PCDHA3: variants seen among roughly 807,000 people sequenced by gnomAD.
PCDHA3 encodes the protein protocadherin alpha 3, also known as protocadherin alpha-3.
In PCDHA3, 41 loss-of-function variants were observed where a neutral mutation model predicts 62.2. The ratio of observed to expected loss-of-function variants is 0.66; its 90% confidence interval spans 0.51 to 0.86. The LOEUF is 0.86. PCDHA3 is among the 40% of genes least tolerant of loss of function. The probability of loss-of-function intolerance (pLI) is 0.00; values close to 1 mark genes in which losing one functional copy is unlikely to be tolerated. For missense variants in PCDHA3, 1,304 were observed against 1,241.2 expected (o/e 1.05, Z -0.76); for synonymous variants, 640 against 555.4 (o/e 1.15, Z -2.14).
chr5:140,808,549 G>A (rs782013709), intron 1 of PCDHA3: 7 of 1,614,136 alleles, frequency 4.3e-6, no homozygotes, highest in South Asian at 3.3e-5. Context: ...ACGCTCCGGC[G>A]TTCGCGCAGC....
intron 1 of PCDHA3, among the ~76,000 whole-genome samples, chr5:140,955,283 A>G (rs1255959484): frequency 6.6e-6 from 1 of 151,774 alleles, no homozygotes; most frequent in African/African-American, 2.4e-5. Context: ...CCATATTGAT[A>G]TGGTTTGGCT....
intron 1 of PCDHA3, chr5:140,877,741 A>T: frequency 1.2e-6 from 2 of 1,614,182 alleles, no homozygotes; most frequent in Non-Finnish European, 1.7e-6. Flanking sequence ...GAGGAGGCAG[A>T]GGGTGTGCTC....
At chr5:140,957,225 G>C (rs1585702621) in intron 1 of PCDHA3, among the ~76,000 whole-genome samples, 1 of 152,072 alleles carries the variant, frequency 6.6e-6, no homozygotes, top group Admixed American at 6.6e-5. Flanking sequence ...ATTTGGCGAA[G>C]CATTTTGGCA....
At chr5:140,906,609 T>C (rs376857630) in intron 1 of PCDHA3, among the ~76,000 whole-genome samples, 2 of 152,348 alleles carry the variant, frequency 1.3e-5, no homozygotes, top group East Asian at 3.9e-4. Flanking sequence ...TCATTCTGTA[T>C]TCCCTTTGCC....
At chr5:141,000,921 C>T (rs562554000) in intron 3 of PCDHA3, among the ~76,000 whole-genome samples, 1 of 152,006 alleles carries the variant, frequency 6.6e-6, no homozygotes, top group Non-Finnish European at 1.5e-5. Flanking sequence ...AAAAAAAAAT[C>T]CTGTGTGATT....
chr5:140,934,001 T>A (rs2089559391), intron 1 of PCDHA3, among the ~76,000 whole-genome samples: 1 of 152,066 alleles, frequency 6.6e-6, no homozygotes, highest in Admixed American at 6.6e-5. Context: ...TCACCTCTCA[T>A]TTTTCTTGAC....
rs1039422866 is a variant in PCDHA3 at position 140,928,669 on chromosome 5, A to G, written c.2395-50280A>G. 6 of 1,614,042 alleles carry G rather than the reference A, an allele frequency of 3.7e-6. No homozygotes were observed. The African/African-American group carries it at 6.7e-5, about 18-fold the overall frequency. On this transcript the variant is annotated intron_variant, in intron 1 of 3. Transcript: ENST00000522353. ...AGCAGAGGATGCTGACAGTGGTTCT[A>G]ATGCCTGGCTTTCCTACCACATCTC...
intron 1 of PCDHA3, among the ~76,000 whole-genome samples, chr5:140,969,735 T>A (rs1029423690): frequency 2.6e-5 from 4 of 152,188 alleles, no homozygotes; most frequent in Non-Finnish European, 5.9e-5. Flanking sequence ...TGAAATCCTA[T>A]ATGAGTGATG....
intron 1 of PCDHA3, chr5:140,862,812 C>G (rs782335970): frequency 1.7e-6 from 1 of 572,078 alleles, no homozygotes; most frequent in Non-Finnish European, 3.4e-6. Context: ...TGCTGCAGTT[C>G]TAGGTGAGAG....
intron 1 of PCDHA3, chr5:140,843,534 C>T: frequency 6.3e-7 from 1 of 1,596,028 alleles, no homozygotes; most frequent in Non-Finnish European, 8.6e-7. Flanking sequence ...GGCAAGCCCA[C>T]TCTGGTGTGC....
intron 1 of PCDHA3, chr5:140,851,460 T>A (rs1270613439): frequency 1.0e-5 from 9 of 901,620 alleles, no homozygotes; most frequent in Non-Finnish European, 1.2e-5. Flanking sequence ...GGAATCAAAT[T>A]ATGTCAATAA....
In PCDHA3 at chr5:140,803,345, G is replaced by A; in HGVS notation, c.2148G>A (p.Leu716=). 1.2e-6 allele frequency: 2 copies of A among 1,614,192 alleles called. No homozygotes were observed. The highest frequency in any genetic ancestry group is 2.2e-5 in the South Asian group (2 of 91,090). ...AVSSLLVLTL[L]LYTALRCSAP... The stretch of plus-strand genomic sequence containing the variant: ...CCAGTCTGTTGGTGCTCACACTGCT[G>A]CTATATACTGCTCTGCGGTGCTCCG... The change falls in exon 1 of 4, where the codon CTG becomes CTA. Residue 716 remains leucine (L), a synonymous_variant. Coordinates refer to ENST00000522353, the MANE Select transcript of PCDHA3 (RefSeq NM_018906.3).
chr5:140,855,103 T>C lies in PCDHA3; in HGVS notation c.2394+51512T>C. Among the ~76,000 whole-genome samples, 2 of 149,938 alleles carry C rather than the reference T, an allele frequency of 1.3e-5. 1 individual carries two copies. The highest frequency in any genetic ancestry group is 3.0e-5 in the Non-Finnish European group (2 of 67,096). On this transcript the variant is annotated intron_variant, in intron 1 of 3. Coordinates refer to ENST00000522353, the MANE Select transcript of PCDHA3 (RefSeq NM_018906.3). ...CCACTCTCAGCCTGTGCAGTAGCAA[T>C]AATTAAGGCATTCTATAGGTAATAA... is the stretch of plus-strand genomic sequence containing the variant.
intron 1 of PCDHA3, among the ~76,000 whole-genome samples, chr5:140,939,903 C>T (rs782506444): frequency 6.6e-6 from 1 of 152,046 alleles, no homozygotes; most frequent in African/African-American, 2.4e-5. Flanking sequence ...ATTCTGCATT[C>T]TTTTTTATTC....
intron 1 of PCDHA3, chr5:140,967,906 C>T (rs529421659): frequency 1.2e-6 from 2 of 1,614,208 alleles, no homozygotes; most frequent in Non-Finnish European, 1.7e-6. Context: ...ATGCTACACC[C>T]AACACCATTG....
At chr5:140,809,520 ACT>A (rs782105819) in intron 1 of PCDHA3, 1 of 1,614,164 alleles carries the variant, frequency 6.2e-7, no homozygotes. Flanking sequence ...AGTTTACCTG[ACT>A]CTAGGGACAG....
At chr5:140,871,564 C>T (rs782409405) in intron 1 of PCDHA3, 16 of 1,482,712 alleles carry the variant, frequency 1.1e-5, no homozygotes, top group East Asian at 2.5e-5. Flanking sequence ...TTTTTTTTCA[C>T]GGATTTTTTA....
At chr5:140,868,000 C>G (rs2050232725) in intron 1 of PCDHA3, 1 of 152,022 alleles carries the variant, frequency 6.6e-6, no homozygotes, top group Non-Finnish European at 1.5e-5. Flanking sequence ...ATGAATATAA[C>G]TGAATTAGAT....
chr5:140,954,316 C>T (rs1406547197), intron 1 of PCDHA3, among the ~76,000 whole-genome samples: 6 of 152,140 alleles, frequency 3.9e-5, no homozygotes, highest in South Asian at 4.1e-4. Context: ...GGGATTGCTG[C>T]GTCAAATGGT....
Sources: allele counts gnomAD v4.1 joint callset (sites outside exome capture counted in the v4.1 genomes callset), GRCh38; gene constraint gnomAD v4.1.1; transcripts MANE v1.5; gene names NCBI Gene and HGNC (gene_info 2026-07-23, HGNC 2026-07-21).